Variants in PKHD1 observed in about 807,000 individuals in gnomAD.
PKHD1 encodes PKHD1 ciliary IPT domain containing fibrocystin/polyductin.
PKHD1 carries 291 observed loss-of-function variants against 412.0 expected under a neutral mutation model. That is an observed-to-expected ratio of 0.71 (90% CI 0.64 to 0.78). The LOEUF (loss-of-function observed/expected upper bound fraction) is 0.78, where lower values mean the gene tolerates loss of function less well. Among genes scored for constraint, PKHD1 ranks in the 30% least tolerant of loss-of-function variants. PKHD1 has a pLI of 0.00. For synonymous variants in PKHD1, 1,777 were observed against 1,821.5 expected, an observed-to-expected ratio of 0.98 and a Z score of 0.62; for missense variants, 4,825 against 4,950.7, an observed-to-expected ratio of 0.97 and a Z score of 0.76.
At chr6:51,635,416 T>C (rs918414676) in intron 64 of PKHD1, among the ~76,000 whole-genome samples, 2 of 152,170 alleles carry the variant, frequency 1.3e-5, no homozygotes, top group Non-Finnish European at 2.9e-5. Flanking sequence ...AAAACTGCAA[T>C]CTTAAAAATA....
intron 60 of PKHD1, among the ~76,000 whole-genome samples, chr6:51,696,640 C>G (rs1778832851): frequency 1.3e-5 from 2 of 152,048 alleles, no homozygotes; most frequent in African/African-American, 4.8e-5. Context: ...GCTCTAAAAT[C>G]CATGAAGTTT....
At chr6:51,785,667 C>T (rs558927312) in intron 53 of PKHD1, among the ~76,000 whole-genome samples, 19 of 152,194 alleles carry the variant, frequency 1.2e-4, no homozygotes, top group Non-Finnish European at 2.4e-4. Flanking sequence ...ATATTATTTT[C>T]CTGTCATTTC....
At position 51,814,851 on chromosome 6, in the gene PKHD1, G is replaced by A. The variant is rs182937278; in HGVS notation, c.8302+16010C>T. Among the ~76,000 whole-genome samples, 997 of 152,238 alleles carry A rather than the reference G, an allele frequency of 6.5e-3. 13 individuals carry two copies. The highest frequency in any genetic ancestry group is 0.031 in the Middle Eastern group (9 of 294). On this transcript the variant is annotated intron_variant, in intron 52 of 66. Transcript: ENST00000371117. ...AGAGAACTTCATCAAGAAAAGGAAC[G>A]AACCCACCCCCTCCTTGCATCTTCT...
intron 46 of PKHD1, among the ~76,000 whole-genome samples, chr6:51,870,988 T>G (rs10456652): frequency 0.13 from 19,030 of 152,126 alleles, 1,711 homozygotes; most frequent in Non-Finnish European, 0.2. Flanking sequence ...TAAAATATAC[T>G]ATGCACCTAT....
chr6:51,903,705 T>G lies in PKHD1; in HGVS notation c.6888A>C (p.Ile2296=), dbSNP rs1345958373. The G allele has an allele frequency of 6.2e-7, 1 of 1,611,322 alleles. No individual in the cohort carries two copies. The highest frequency in any genetic ancestry group is 8.5e-7 in the Non-Finnish European group (1 of 1,178,038). Residue 2296 remains isoleucine, a synonymous_variant, in exon 43 of 67, where the codon ATA becomes ATC. Transcript: ENST00000371117. The part of the protein sequence containing the change: ...RKDDWSGHGN[I]IRNNVIIQVS... ...CCTGGATGATCACGTTGTTTCTTAT[T>G]ATATTTCCATGTCCTGACCAGTCTA...
intron 66 of PKHD1, among the ~76,000 whole-genome samples, chr6:51,619,968 A>G (rs903087708): frequency 4.6e-5 from 7 of 152,256 alleles, no homozygotes; most frequent in Non-Finnish European, 8.8e-5. Context: ...TTGGTATTAT[A>G]AAAACATGAA....
At chr6:52,040,028 A>G (rs144047497) in intron 27 of PKHD1, among the ~76,000 whole-genome samples, 72 of 152,304 alleles carry the variant, frequency 4.7e-4, no homozygotes, top group Non-Finnish European at 7.8e-4. Context: ...GCATTATTTT[A>G]TTTATATTAG....
intron 55 of PKHD1, among the ~76,000 whole-genome samples, chr6:51,761,446 A>G (rs976216576): frequency 1.3e-5 from 2 of 152,080 alleles, no homozygotes; most frequent in African/African-American, 4.8e-5. Context: ...GGTGGGGGGA[A>G]GCAAAGGTTG....
chr6:51,967,223 T>C (rs141184572), intron 35 of PKHD1, among the ~76,000 whole-genome samples: 43 of 152,240 alleles, frequency 2.8e-4, no homozygotes, highest in African/African-American at 9.6e-4. Flanking sequence ...ATTTTGATAT[T>C]GGCACACGGC....
In PKHD1 at chr6:51,973,369, C is replaced by T. The variant is rs146009636; in HGVS notation, c.5752-13343G>A. 2.8e-4 allele frequency among the ~76,000 whole-genome samples: 42 copies of T among 152,314 alleles called. No homozygotes were observed. The East Asian group carries it at 7.3e-3, about 27-fold the overall frequency. ...ACTTTAATCATTTACTTTACAGTCA[C>T]CTGGAATTCATTGTATGCAATTCAC... On this transcript the variant is annotated intron_variant, in intron 35 of 66. Transcript: ENST00000371117.
intron 45 of PKHD1, among the ~76,000 whole-genome samples, chr6:51,885,656 C>T (rs1778088401): frequency 6.6e-6 from 1 of 152,164 alleles, no homozygotes; most frequent in African/African-American, 2.4e-5. Context: ...TGACCTAACC[C>T]TGGATTAGTG....
intron 61 of PKHD1, among the ~76,000 whole-genome samples, chr6:51,656,273 T>C (rs1771833646): frequency 6.6e-6 from 1 of 152,082 alleles, no homozygotes; most frequent in Admixed American, 6.6e-5. Context: ...TTCTCACTCA[T>C]AAGTGGGAGT....
At chr6:51,936,803 T>C (rs1030337201) in intron 36 of PKHD1, among the ~76,000 whole-genome samples, 1 of 124,146 alleles carries the variant, frequency 8.1e-6, no homozygotes, top group African/African-American at 3.2e-5. Flanking sequence ...TCTGTAGCAA[T>C]AAGACACCAA....
intron 35 of PKHD1, among the ~76,000 whole-genome samples, chr6:51,993,504 AT>A (rs1797297504): frequency 6.6e-6 from 1 of 152,248 alleles, no homozygotes; most frequent in Non-Finnish European, 1.5e-5. Context: ...GTTAAATTAC[AT>A]TATACACAGA....
At chr6:51,950,220 A>AAAAAAATATATATATATATATATATATAT in intron 36 of PKHD1, among the ~76,000 whole-genome samples, 7 of 98,302 alleles carry the variant, frequency 7.1e-5, no homozygotes, top group African/African-American at 2.3e-4. Flanking sequence ...GAAAAAAAAA[A>AAAAAAATATATATATATATATATATATAT]ATATATATAT....
chr6:51,791,212 C>G (rs779065809), intron 53 of PKHD1, 24 bp downstream of exon 53: 9 of 1,610,552 alleles, frequency 5.6e-6, no homozygotes, highest in Non-Finnish European at 7.6e-6. Flanking sequence ...TCAACATGCT[C>G]GCAATCCTTG....
chr6:51,734,136 A>C (rs1480297892), intron 60 of PKHD1, among the ~76,000 whole-genome samples: 1 of 152,252 alleles, frequency 6.6e-6, no homozygotes, highest in Non-Finnish European at 1.5e-5. Flanking sequence ...CTAGTCAAAA[A>C]GCTTGGGAAA....
At chr6:51,712,079 A>G (rs952590182) in intron 60 of PKHD1, among the ~76,000 whole-genome samples, 2 of 152,132 alleles carry the variant, frequency 1.3e-5, no homozygotes, top group Non-Finnish European at 2.9e-5. Context: ...CTGCCACCCA[A>G]CTTCCTCCAC....
chr6:51,933,778 T>C, intron 37 of PKHD1, among the ~76,000 whole-genome samples: 1 of 152,210 alleles, frequency 6.6e-6, no homozygotes, highest in East Asian at 1.9e-4. Context: ...TCTGCTCACA[T>C]TCCACTGACC....
Sources: gnomAD v4.1 joint callset for allele counts (sites outside exome capture counted in the v4.1 genomes callset) on GRCh38, gnomAD v4.1.1 for gene constraint, MANE v1.5 for transcripts, NCBI Gene and HGNC (gene_info 2026-07-23, HGNC 2026-07-21) for gene names.